Variants in HDAC4 observed in about 807,000 individuals in gnomAD.
HDAC4 encodes histone deacetylase 4.
In HDAC4, 16 loss-of-function variants were observed where a neutral mutation model predicts 135.1. The observed-to-expected ratio is 0.12, with a 90% CI of 0.08 to 0.18. The LOEUF is 0.18. HDAC4 is among the 10% of genes least tolerant of loss of function. The pLI is 1.00. For missense variants in HDAC4, 1,143 were observed against 1,511.8 expected (o/e 0.76, Z 4.05); for synonymous variants, 685 against 653.4 (o/e 1.05, Z -0.74).
At position 239,299,101 on chromosome 2, in the gene HDAC4, G is replaced by C. The variant is rs983584232; in HGVS notation, c.22+53577C>G. Among the ~76,000 whole-genome samples, 2 of 152,004 alleles carry C rather than the reference G, an allele frequency of 1.3e-5. No individual in the cohort carries two copies. Among genetic ancestry groups the C allele is most frequent in the South Asian group, 2.1e-4 (1 of 4,824 alleles). On this transcript the variant is annotated intron_variant, in intron 2 of 26. Transcript: ENST00000543185. The surrounding 1 kb of genome is among the most constrained non-coding windows in gnomAD (Gnocchi z 4.0). ...AGGATGGTCTCGATCTCCTGACCTC[G>C]TGATCCGCCTGCCTTGGCCTCCCAA...
intron 15 of HDAC4, among the ~76,000 whole-genome samples, 161 bp downstream of exon 15, chr2:239,107,889 C>A (rs192580022): frequency 6.6e-6 from 1 of 152,232 alleles, no homozygotes; most frequent in Admixed American, 6.5e-5. Flanking sequence ...GATAGCTGCC[C>A]GCCCAAATGC....
chr2:239,056,895 A>C (rs1043983814), intron 24 of HDAC4, among the ~76,000 whole-genome samples: 1 of 152,244 alleles, frequency 6.6e-6, no homozygotes. Context: ...CAGAACCAGG[A>C]GAAGAAACTC....
At chr2:239,343,434 TC>T (rs1373315942) in intron 2 of HDAC4, among the ~76,000 whole-genome samples, 1 of 152,154 alleles carries the variant, frequency 6.6e-6, no homozygotes, top group Non-Finnish European at 1.5e-5. Context: ...CAGATGAAGT[TC>T]CCTGATGGCA....
chr2:239,154,021 C>T (rs2042271691), intron 7 of HDAC4, among the ~76,000 whole-genome samples: 1 of 152,200 alleles, frequency 6.6e-6, no homozygotes, highest in Admixed American at 6.5e-5. Flanking sequence ...CCAGGTAGTG[C>T]TGACATTTGG....
At position 239,366,006 on chromosome 2, in the gene HDAC4, GACAC is replaced by G. The variant is rs375044966; in HGVS notation, c.-219-13092_-219-13089del. ...CAGGGTCATGCATGTGGCACTGGTG[GACAC>G]ACACAAACACGCATGCACAGAGCAG... On this transcript the variant is annotated intron_variant, in intron 1 of 26. Coordinates refer to ENST00000543185, the MANE Select transcript of HDAC4 (RefSeq NM_001378414.1). Among the ~76,000 whole-genome samples the G allele has an allele frequency of 4.8e-3, 721 of 150,014 alleles. 3 individuals carry two copies. Among genetic ancestry groups the G allele is most frequent in the African/African-American group, 0.017 (689 of 40,398 alleles).
intron 3 of HDAC4, among the ~76,000 whole-genome samples, chr2:239,208,326 CAAAAAA>C (rs759398313): frequency 1.9e-4 from 13 of 68,212 alleles, no homozygotes; most frequent in South Asian, 1.1e-3. Flanking sequence ...GACTCCGTCC[CAAAAAA>C]AAAAAAAAAA....
At chr2:239,260,665 GCTCTGCTCCTGCAGCCTGCA>G (rs2049307179) in intron 2 of HDAC4, among the ~76,000 whole-genome samples, 1 of 152,170 alleles carries the variant, frequency 6.6e-6, no homozygotes, top group South Asian at 2.1e-4. Flanking sequence ...GTGGCCTCCG[GCTCTGCTCCTGCAGCCTGCA>G]AGGTTGGATG....
chr2:239,194,147 G>A (rs1456336405), intron 3 of HDAC4, among the ~76,000 whole-genome samples: 1 of 152,194 alleles, frequency 6.6e-6, no homozygotes, highest in Non-Finnish European at 1.5e-5. Context: ...TCACTTGGAT[G>A]CCAAGGAGGA....
chr2:239,387,376 G>A (rs1280146920), intron 1 of HDAC4, among the ~76,000 whole-genome samples: 1 of 152,186 alleles, frequency 6.6e-6, no homozygotes, highest in African/African-American at 2.4e-5. Flanking sequence ...GCCTGGCCAG[G>A]ACCACAGGGC....
intron 11 of HDAC4, among the ~76,000 whole-genome samples, chr2:239,131,061 C>A (rs910726687): frequency 6.6e-6 from 1 of 152,252 alleles, no homozygotes; most frequent in Non-Finnish European, 1.5e-5. Context: ...CTGCAAAGAT[C>A]TGAGTCCACA....
chr2:239,298,248 CAG>C, intron 2 of HDAC4: 2 of 1,288,318 alleles, frequency 1.6e-6, no homozygotes, highest in Non-Finnish European at 1.0e-6. Flanking sequence ...AGATCAAATC[CAG>C]GCTTGACGAC....
chr2:239,320,436 G>A (rs907316380), intron 2 of HDAC4, among the ~76,000 whole-genome samples: 7 of 145,832 alleles, frequency 4.8e-5, no homozygotes, highest in African/African-American at 1.8e-4. Context: ...AAATTTAGAA[G>A]GAATTATAGA....
At chr2:239,101,093 G>A (rs2152759411) in intron 16 of HDAC4, among the ~76,000 whole-genome samples, 1 of 152,252 alleles carries the variant, frequency 6.6e-6, no homozygotes, top group South Asian at 2.1e-4. Flanking sequence ...CCCGGCACTA[G>A]CTCAGGATCC....
chr2:239,394,363 G>A (rs1236584124), intron 1 of HDAC4, among the ~76,000 whole-genome samples: 1 of 152,162 alleles, frequency 6.6e-6, no homozygotes, highest in Admixed American at 6.5e-5. Flanking sequence ...TAAATAAGAA[G>A]TGATTAAATA....
chr2:239,149,580 C>T (rs950682657), intron 7 of HDAC4, among the ~76,000 whole-genome samples: 24 of 152,226 alleles, frequency 1.6e-4, no homozygotes, highest in African/African-American at 5.8e-4. Context: ...GATGGAACCG[C>T]CTCACGTGCC....
chr2:239,223,133 A>G (rs1159316150), intron 3 of HDAC4, among the ~76,000 whole-genome samples: 1 of 152,244 alleles, frequency 6.6e-6, no homozygotes. Context: ...AAGTTTACAT[A>G]AGAACGCATT....
intron 1 of HDAC4, among the ~76,000 whole-genome samples, chr2:239,379,329 C>T (rs1042667778): frequency 6.6e-6 from 1 of 152,152 alleles, no homozygotes; most frequent in Non-Finnish European, 1.5e-5. Flanking sequence ...CGCACCAGGC[C>T]GGTGCCAGGA....
intron 3 of HDAC4, among the ~76,000 whole-genome samples, chr2:239,194,132 TGCGCTC>T (rs2045203989): frequency 6.6e-6 from 1 of 152,174 alleles, no homozygotes; most frequent in African/African-American, 2.4e-5. Context: ...GTGGAGGAGA[TGCGCTC>T]ACTTGGATGC....
At chr2:239,288,127 T>TGAAGAATCCTGAAGCGCTAGCAA (rs1440793219) in intron 2 of HDAC4, among the ~76,000 whole-genome samples, 10 of 149,326 alleles carry the variant, frequency 6.7e-5, no homozygotes, top group Non-Finnish European at 1.5e-4. Flanking sequence ...AGAACAGAGA[T>TGAAGAATCCTGAAGCGCTAGCAA]GAAGAATCCT....
Sources: gnomAD v4.1 joint callset for allele counts (sites outside exome capture counted in the v4.1 genomes callset) on GRCh38, gnomAD v4.1.1 for gene constraint, Gnocchi (gnomAD v3.1) non-coding constraint, MANE v1.5 for transcripts, NCBI Gene and HGNC (gene_info 2026-07-23, HGNC 2026-07-21) for gene names.